The following MOXD1 variants were observed in gnomAD, a reference collection of about 807,000 sequenced individuals.
MOXD1 encodes the protein DBH-like monooxygenase protein 1.
MOXD1 carries 62 observed loss-of-function variants against 66.6 expected under a neutral mutation model. The ratio of observed to expected loss-of-function variants is 0.93; its 90% confidence interval spans 0.76 to 1.15. The LOEUF (loss-of-function observed/expected upper bound fraction) is 1.15. Among genes scored for constraint, MOXD1 ranks in the 50% most tolerant of loss-of-function variants. The pLI is 0.00. For synonymous variants in MOXD1, 303 were observed against 281.9 expected (o/e 1.07, Z -0.75); for missense variants, 847 against 754.6 (o/e 1.12, Z -1.44).
intron 4 of MOXD1, among the ~76,000 whole-genome samples, chr6:132,330,861 G>C (rs1019566538): frequency 2.6e-5 from 4 of 152,092 alleles, no homozygotes; most frequent in Admixed American, 6.5e-5. Flanking sequence ...TGTCTGAATG[G>C]GCAGCCAAGA....
chr6:132,303,875 AT>A (rs1562276528), intron 10 of MOXD1, among the ~76,000 whole-genome samples: 107 of 49,960 alleles, frequency 2.1e-3, no homozygotes, highest in Non-Finnish European at 2.5e-3. Flanking sequence ...ATATATATAT[AT>A]ATACATATAT....
intron 4 of MOXD1, among the ~76,000 whole-genome samples, chr6:132,341,200 A>T (rs192256739): frequency 7.3e-4 from 111 of 152,290 alleles, no homozygotes; most frequent in African/African-American, 2.5e-3. Context: ...GATTAAGGCT[A>T]TTACAAAAGG....
chr6:132,315,254 G>A (rs1774917391), intron 10 of MOXD1, among the ~76,000 whole-genome samples: 1 of 152,224 alleles, frequency 6.6e-6, no homozygotes, highest in Non-Finnish European at 1.5e-5. Flanking sequence ...TGATGATGGT[G>A]TAATTTGGTG....
intron 10 of MOXD1, among the ~76,000 whole-genome samples, chr6:132,312,958 C>T (rs1007902044): frequency 6.6e-6 from 1 of 152,070 alleles, no homozygotes; most frequent in Non-Finnish European, 1.5e-5. Flanking sequence ...GAGAAAAAGA[C>T]TACTCAAGGC....
At position 132,336,505 on chromosome 6, in the gene MOXD1, A is replaced by C. The variant is rs549764366; in HGVS notation, c.664-7911T>G. On this transcript the variant is annotated intron_variant, in intron 4 of 11. Transcript: ENST00000367963. ...CTCCTGCCGTATCCTCATCCCTAAC[A>C]GGAACGGCTCTTTTAGCCTGACAAT... Among the ~76,000 whole-genome samples, 13 of 152,318 alleles carry C rather than the reference A, an allele frequency of 8.5e-5. No individual in the cohort carries two copies. In the East Asian group the frequency reaches 2.5e-3, roughly 29 times the overall value.
chr6:132,398,216 CTGACATCTATAGACATTTGGACTTG>C, intron 1 of MOXD1, among the ~76,000 whole-genome samples: 1 of 152,212 alleles, frequency 6.6e-6, no homozygotes, highest in Admixed American at 6.5e-5. Context: ...GATTTATTTC[CTGACATCTATAGACATTTGGACTTG>C]TGACATCTAT....
chr6:132,397,800 A>ATGT (rs1479135842), intron 1 of MOXD1, among the ~76,000 whole-genome samples: 1 of 152,118 alleles, frequency 6.6e-6, no homozygotes, highest in Non-Finnish European at 1.5e-5. Context: ...TTTAACAGTA[A>ATGT]TTCACTCACA....
intron 10 of MOXD1, among the ~76,000 whole-genome samples, chr6:132,303,827 GTGTGTGTGTATATATATATA>G (rs1562276342): frequency 0.016 from 1,587 of 99,032 alleles, 26 homozygotes; most frequent in African/African-American, 0.042. Context: ...GTGTGTGTGT[GTGTGTGTGTATATATATATA>G]TATATATATA....
intron 4 of MOXD1, among the ~76,000 whole-genome samples, chr6:132,343,904 T>C (rs1441900989): frequency 2.0e-5 from 3 of 152,110 alleles, no homozygotes; most frequent in Non-Finnish European, 4.4e-5. Flanking sequence ...TAAAAGCAAG[T>C]GTCAAAATAC....
chr6:132,297,046 A>T lies in MOXD1; in HGVS notation c.*107T>A. 8.6e-7 allele frequency: 1 copy of T among 1,164,798 alleles called. No homozygotes were observed. The highest frequency in any genetic ancestry group is 1.2e-6 in the Non-Finnish European group (1 of 830,282). 72.2% of individuals were successfully genotyped at this position (1,164,798 alleles called of 1,614,324 possible). On this transcript the variant is annotated 3_prime_UTR_variant, in exon 12 of 12. Coordinates refer to ENST00000367963, the MANE Select transcript of MOXD1 (RefSeq NM_015529.4). ...AAAGGAGGGAGGGAAAATGGGGAAG[A>T]AAAGTCTCCACACTCTTCATGCCCA... is the stretch of plus-strand genomic sequence containing the variant.
At chr6:132,391,302 A>C (rs1776755740) in intron 1 of MOXD1, 1 of 152,192 alleles carries the variant, frequency 6.6e-6, no homozygotes, top group South Asian at 2.1e-4. Flanking sequence ...CTTCATAATA[A>C]ATTAAATCTG....
rs1219821579 is a variant in MOXD1, at chr6:132,323,969, G to A, written c.1075C>T (p.Gln359Ter). 6.2e-7 allele frequency: 1 copy of A among 1,613,706 alleles called. No homozygotes were observed. The highest frequency in any genetic ancestry group is 8.5e-7 in the Non-Finnish European group (1 of 1,179,880). Reference protein sequence around the residue: ...HTIPPGMPEFQSEGHCTLECL... With the variant: ...HTIPPGMPEF ...TCCAAAGTGCAGTGACCCTCAGACT[G>A]GAACTCAGGCATCCCTGGAGGGATG... is the stretch of plus-strand genomic sequence containing the variant. The change falls in exon 7 of 12, where the codon CAG becomes TAG. Residue 359 changes from glutamine to a stop codon, truncating the protein, a stop_gained. Transcript: ENST00000367963. LOFTEE classifies it high-confidence loss of function.
intron 4 of MOXD1, among the ~76,000 whole-genome samples, chr6:132,331,053 A>G (rs528599678): frequency 3.3e-5 from 5 of 152,308 alleles, no homozygotes; most frequent in African/African-American, 9.6e-5. Context: ...ATTTTGCTTG[A>G]AAAGGGTAGT....
At chr6:132,347,253 G>C (rs538210985) in intron 4 of MOXD1, among the ~76,000 whole-genome samples, 3 of 152,194 alleles carry the variant, frequency 2.0e-5, no homozygotes, top group Non-Finnish European at 4.4e-5. Flanking sequence ...CATTCTCCGG[G>C]TGACTGATTG....
rs1184441747 is a variant in MOXD1, at chr6:132,324,161, A to G, written c.947-64T>C. ...TTAAAATGTTTTCATTCCCAAGAAA[A>G]TTCTTGGTTTGAATTTTTTAAAGTT... On this transcript the variant is annotated intron_variant, in intron 6 of 11. Transcript: ENST00000367963. The G allele has an allele frequency of 4.0e-6, 6 of 1,509,538 alleles. No individual in the cohort carries two copies. In the Admixed American group the frequency reaches 1.0e-4, roughly 26 times the overall value. The allele number at this position is 1,509,538 out of a possible 1,614,324, so 93.5% of individuals were successfully genotyped here.
chr6:132,363,313 A>G (rs141015356), intron 4 of MOXD1, among the ~76,000 whole-genome samples: 21 of 152,136 alleles, frequency 1.4e-4, no homozygotes, highest in African/African-American at 4.8e-4. Flanking sequence ...AAGTGTCTGC[A>G]TATTTCCAAG....
intron 1 of MOXD1, among the ~76,000 whole-genome samples, chr6:132,392,854 T>C (rs1009934540): frequency 6.6e-6 from 1 of 151,950 alleles, no homozygotes; most frequent in African/African-American, 2.4e-5. Context: ...CCAGAAGGAG[T>C]CAAAAAGGTT....
At chr6:132,323,839 C>T (rs932154744) in intron 7 of MOXD1, 92 bp downstream of exon 7, 90 of 1,326,772 alleles carry the variant, frequency 6.8e-5, no homozygotes, top group Non-Finnish European at 8.3e-5. Flanking sequence ...AGAAAGGAAT[C>T]GATAATAAAC....
chr6:132,394,341 A>C (rs1776829540), intron 1 of MOXD1, among the ~76,000 whole-genome samples: 1 of 152,200 alleles, frequency 6.6e-6, no homozygotes, highest in South Asian at 2.1e-4. Flanking sequence ...AAATTCAAAA[A>C]ACTGGAGCAA....
Sources: gnomAD v4.1 joint callset for allele counts (sites outside exome capture counted in the v4.1 genomes callset) on GRCh38, gnomAD v4.1.1 for gene constraint, MANE v1.5 for transcripts, NCBI Gene and HGNC (gene_info 2026-07-23, HGNC 2026-07-21) for gene names.